CDH13: variants seen among roughly 807,000 people sequenced by gnomAD.
CDH13 encodes the protein cadherin 13.
CDH13 carries 24 observed loss-of-function variants against 63.8 expected under a neutral mutation model. That is an observed-to-expected ratio of 0.38 (90% CI 0.27 to 0.53). CDH13 has a LOEUF of 0.53. Ranked by LOEUF, CDH13 falls within the 20% of genes least tolerant of loss-of-function variation. CDH13 has a pLI of 0.85. For synonymous variants in CDH13, 503 were observed against 355.3 expected (o/e 1.42, Z -4.67); for missense variants, 1,049 against 903.1 (o/e 1.16, Z -2.07).
intron 6 of CDH13, among the ~76,000 whole-genome samples, chr16:83,445,523 G>C (rs961601168): frequency 2.0e-5 from 3 of 152,100 alleles, no homozygotes; most frequent in Non-Finnish European, 4.4e-5. Context: ...ATTCTGGACC[G>C]ATAGCCTCCC....
chr16:83,103,313 C>G (rs2034598327), intron 3 of CDH13, among the ~76,000 whole-genome samples: 1 of 109,838 alleles, frequency 9.1e-6, no homozygotes, highest in South Asian at 3.2e-4. Context: ...GGCGTGAACT[C>G]AGCTCTCACT....
intron 6 of CDH13, among the ~76,000 whole-genome samples, chr16:83,446,346 G>C (rs765876099): frequency 1.7e-4 from 26 of 151,014 alleles, no homozygotes; most frequent in Non-Finnish European, 3.4e-4. Context: ...AAATTAGAAA[G>C]TACCTTCACT....
chr16:83,486,088 A>T (rs111915716), intron 6 of CDH13, among the ~76,000 whole-genome samples: 15,580 of 152,042 alleles, frequency 0.1, 1,005 homozygotes, highest in African/African-American at 0.18. Context: ...GGTTGCAGTA[A>T]GCCAAGATCA....
chr16:83,000,971 T>C (rs1270542363), intron 2 of CDH13, among the ~76,000 whole-genome samples: 2 of 152,240 alleles, frequency 1.3e-5, no homozygotes, highest in Non-Finnish European at 2.9e-5. Flanking sequence ...CTTTTCACTC[T>C]CAGCTACCCC....
intron 10 of CDH13, among the ~76,000 whole-genome samples, chr16:83,683,543 A>G (rs902384245): frequency 3.9e-5 from 6 of 152,192 alleles, no homozygotes; most frequent in African/African-American, 1.4e-4. Context: ...GTCCCAAGAA[A>G]TAGCCATTAT....
intron 1 of CDH13, among the ~76,000 whole-genome samples, chr16:82,849,555 G>T (rs1401846267): frequency 1.3e-5 from 2 of 152,176 alleles, no homozygotes; most frequent in Non-Finnish European, 2.9e-5. Context: ...TGCTGATATA[G>T]AAGCTGCAGC....
In CDH13 at chr16:83,522,432, C is replaced by T. The variant is rs544411208; in HGVS notation, c.960+35777C>T. Reference sequence around the variant, plus strand: ...AAAGTTCCACAGCGCAATATGCAACCGTGGAGTTTCTAATCTTAATAATTC... The same window carrying T: ...AAAGTTCCACAGCGCAATATGCAACTGTGGAGTTTCTAATCTTAATAATTC... On this transcript the variant is annotated intron_variant, in intron 7 of 13. Coordinates refer to ENST00000567109, the MANE Select transcript of CDH13 (RefSeq NM_001257.5). Among the ~76,000 whole-genome samples the T allele has an allele frequency of 2.6e-5, 4 of 152,188 alleles. No homozygotes were observed. In the South Asian group the frequency reaches 8.3e-4, roughly 32 times the overall value.
At chr16:83,518,346 C>T (rs986577332) in intron 7 of CDH13, among the ~76,000 whole-genome samples, 3 of 151,520 alleles carry the variant, frequency 2.0e-5, no homozygotes, top group African/African-American at 4.9e-5. Flanking sequence ...GGGGTTTCAT[C>T]GTGTTAGCCA....
chr16:82,961,242 G>C (rs1906939989), intron 2 of CDH13, among the ~76,000 whole-genome samples: 1 of 152,106 alleles, frequency 6.6e-6, no homozygotes, highest in Non-Finnish European at 1.5e-5. Context: ...GAGGAGATGG[G>C]GTAGCCAGGC....
intron 1 of CDH13, among the ~76,000 whole-genome samples, chr16:82,807,224 C>T (rs1197365550): frequency 3.3e-5 from 5 of 151,732 alleles, no homozygotes; most frequent in East Asian, 1.9e-4. Context: ...TGTTAAGTAA[C>T]GTGCTATAAT....
intron 2 of CDH13, among the ~76,000 whole-genome samples, chr16:82,970,710 G>T (rs1037448885): frequency 6.6e-6 from 1 of 152,114 alleles, no homozygotes; most frequent in Non-Finnish European, 1.5e-5. Context: ...ACCTGTTTGA[G>T]TGTAAGGCAG....
intron 1 of CDH13, among the ~76,000 whole-genome samples, chr16:82,641,253 C>T (rs1056088859): frequency 1.3e-5 from 2 of 152,154 alleles, no homozygotes; most frequent in Non-Finnish European, 2.9e-5. Context: ...TCTGTGCTTC[C>T]CTGCTGAGCC....
intron 3 of CDH13, among the ~76,000 whole-genome samples, chr16:83,109,946 T>C (rs1289357265): frequency 6.6e-6 from 1 of 152,218 alleles, no homozygotes; most frequent in Admixed American, 6.5e-5. Flanking sequence ...ATTCGTGAAA[T>C]ATTTCAGAGG....
chr16:83,223,075 A>ATTTGG (rs1167913972), intron 5 of CDH13, among the ~76,000 whole-genome samples: 1 of 61,876 alleles, frequency 1.6e-5, no homozygotes, highest in Non-Finnish European at 4.1e-5. Context: ...GGCAAAATTG[A>ATTTGG]GAACCACTGT....
At chr16:82,794,696 A>G (rs1371545351) in intron 1 of CDH13, among the ~76,000 whole-genome samples, 1 of 152,198 alleles carries the variant, frequency 6.6e-6, no homozygotes, top group East Asian at 1.9e-4. Context: ...CAAACACCCT[A>G]TAAATATAAT....
intron 8 of CDH13, among the ~76,000 whole-genome samples, chr16:83,637,180 A>C (rs1911338399): frequency 6.6e-6 from 1 of 152,294 alleles, no homozygotes; most frequent in East Asian, 1.9e-4. Context: ...TTTCTGATTA[A>C]AACATAACTC....
intron 2 of CDH13, among the ~76,000 whole-genome samples, chr16:82,972,901 G>C (rs1287202623): frequency 1.3e-5 from 2 of 152,128 alleles, no homozygotes; most frequent in African/African-American, 4.8e-5. Flanking sequence ...GGCACAACCT[G>C]ATTTTAATGA....
chr16:83,229,442 C>G (rs970237295), intron 5 of CDH13, among the ~76,000 whole-genome samples: 31 of 152,030 alleles, frequency 2.0e-4, no homozygotes, highest in Admixed American at 2.0e-4. Context: ...TTTAGTCTGG[C>G]ATAATTTCCA....
intron 8 of CDH13, among the ~76,000 whole-genome samples, chr16:83,653,315 C>A (rs545088082): frequency 2.6e-5 from 4 of 152,056 alleles, no homozygotes; most frequent in Admixed American, 2.0e-4. Flanking sequence ...TGAATCATAG[C>A]GCAATAAAAC....
Sources: allele counts gnomAD v4.1 joint callset (sites outside exome capture counted in the v4.1 genomes callset), GRCh38; gene constraint gnomAD v4.1.1; transcripts MANE v1.5; gene names NCBI Gene and HGNC (gene_info 2026-07-23, HGNC 2026-07-21).